The following NBEA variants were observed in gnomAD, a reference collection of about 807,000 sequenced individuals.
NBEA encodes the protein lysosomal-trafficking regulator 2.
In NBEA, 44 loss-of-function variants were observed where a neutral mutation model predicts 343.4. That is an observed-to-expected ratio of 0.13 (90% confidence interval 0.10 to 0.16). The LOEUF is 0.16. NBEA is among the 10% of genes least tolerant of loss of function. NBEA has a pLI of 1.00. For missense variants in NBEA, 2,555 were observed against 3,631.3 expected (o/e 0.70, Z 7.62); for synonymous variants, 1,175 against 1,238.7 (o/e 0.95, Z 1.08).
At chr13:35,578,630 C>G (rs2080862270) in intron 45 of NBEA, among the ~76,000 whole-genome samples, 1 of 152,164 alleles carries the variant, frequency 6.6e-6, no homozygotes, top group Admixed American at 6.5e-5. Flanking sequence ...TTGCTGACCT[C>G]AGATACTTAT....
intron 55 of NBEA, among the ~76,000 whole-genome samples, chr13:35,661,921 C>T (rs1255059365): frequency 1.3e-5 from 2 of 152,090 alleles, no homozygotes; most frequent in East Asian, 1.9e-4. Flanking sequence ...CACTGTGCAG[C>T]GGAGGTCTTA....
At chr13:35,239,850 A>C (rs112928501) in intron 34 of NBEA, among the ~76,000 whole-genome samples, 2 of 151,940 alleles carry the variant, frequency 1.3e-5, no homozygotes, top group Non-Finnish European at 2.9e-5. Flanking sequence ...GAAATAAGTG[A>C]TGTCAAGGCT....
chr13:35,605,495 A>G (rs1432687791), intron 47 of NBEA, among the ~76,000 whole-genome samples: 1 of 152,192 alleles, frequency 6.6e-6, no homozygotes, highest in African/African-American at 2.4e-5. Flanking sequence ...ATGCTATGCC[A>G]TCAATGTTGA....
intron 36 of NBEA, among the ~76,000 whole-genome samples, chr13:35,347,535 A>AT (rs113506427): frequency 0.22 from 33,330 of 151,668 alleles, 4,162 homozygotes; most frequent in African/African-American, 0.34. Flanking sequence ...TTTAAATATT[A>AT]TTTTTTTTAA....
intron 34 of NBEA, among the ~76,000 whole-genome samples, chr13:35,288,084 G>A (rs954833855): frequency 1.3e-5 from 2 of 151,892 alleles, no homozygotes; most frequent in African/African-American, 4.8e-5. Context: ...TATCAAATGA[G>A]CTAATTTGAT....
At chr13:35,517,497 G>A (rs78614112) in intron 41 of NBEA, among the ~76,000 whole-genome samples, 6,189 of 152,042 alleles carry the variant, frequency 0.041, 347 homozygotes, top group East Asian at 0.23. Context: ...AAAAGATGTC[G>A]TGATTCTAAT....
chr13:35,117,636 T>G, intron 14 of NBEA, 143 bp downstream of exon 14: 1 of 334,728 alleles, frequency 3.0e-6, no homozygotes, highest in Non-Finnish European at 5.3e-6. Context: ...GTATTCACTT[T>G]TATTGAACTT....
At chr13:35,349,251 C>A in intron 37 of NBEA, 35 bp downstream of exon 37, 1 of 1,294,474 alleles carries the variant, frequency 7.7e-7, no homozygotes, top group East Asian at 2.4e-5. Flanking sequence ...TTCTGCCTTT[C>A]TATTATAAGC....
chr13:35,418,011 T>C (rs1268734592), intron 38 of NBEA, among the ~76,000 whole-genome samples: 1 of 152,206 alleles, frequency 6.6e-6, no homozygotes, highest in Non-Finnish European at 1.5e-5. Context: ...TCTTTGTCTC[T>C]TTTGATCTTT....
At chr13:35,265,600 A>G (rs532141264) in intron 34 of NBEA, among the ~76,000 whole-genome samples, 1 of 151,862 alleles carries the variant, frequency 6.6e-6, no homozygotes, top group Non-Finnish European at 1.5e-5. Context: ...GGTGCCTAAA[A>G]ACAGTGGAGG....
At chr13:35,643,557 C>G (rs1025570906) in intron 49 of NBEA, among the ~76,000 whole-genome samples, 3 of 152,224 alleles carry the variant, frequency 2.0e-5, no homozygotes, top group Non-Finnish European at 4.4e-5. Context: ...TTTAGAATCT[C>G]TGTTAAGACT....
Position 35,334,369 on chromosome 13 carries a change from A to G in NBEA, c.5904-14739A>G, listed in dbSNP as rs534437300. On this transcript the variant is annotated intron_variant, in intron 36 of 58. Transcript: ENST00000379939. ...ACTGCACCCTCCAACTCACAGGTTC[A>G]AGGAATTCTCCTGCCTCAGCCTCCT... Among the ~76,000 whole-genome samples the G allele has an allele frequency of 7.9e-5, 12 of 152,246 alleles. No homozygotes were observed. The East Asian group carries it at 1.7e-3, about 22-fold the overall frequency.
intron 38 of NBEA, among the ~76,000 whole-genome samples, chr13:35,411,489 C>T (rs1027682397): frequency 5.3e-5 from 8 of 150,532 alleles, no homozygotes; most frequent in Non-Finnish European, 8.8e-5. Flanking sequence ...CAGAGTTGTA[C>T]TCTGTTGCCC....
chr13:35,548,344 C>A (rs952088131), intron 41 of NBEA, among the ~76,000 whole-genome samples: 9 of 152,122 alleles, frequency 5.9e-5, no homozygotes, highest in African/African-American at 2.2e-4. Flanking sequence ...AACGTAAAAA[C>A]TGATAACATG....
intron 11 of NBEA, among the ~76,000 whole-genome samples, chr13:35,098,934 C>A (rs983223679): frequency 4.6e-5 from 7 of 151,630 alleles, no homozygotes; most frequent in Non-Finnish European, 7.4e-5. Context: ...GACTGAAAAT[C>A]GTATTTATTA....
At chr13:34,974,256 C>T (rs1347684110) in intron 1 of NBEA, among the ~76,000 whole-genome samples, 1 of 152,106 alleles carries the variant, frequency 6.6e-6, no homozygotes, top group African/African-American at 2.4e-5. Context: ...TTTACTTGCC[C>T]CTTTCATTCC....
chr13:35,661,499 G>A (rs1349403118), intron 55 of NBEA, among the ~76,000 whole-genome samples: 1 of 152,148 alleles, frequency 6.6e-6, no homozygotes. Flanking sequence ...ACCACATCAT[G>A]GGTGAATTTG....
chr13:35,203,954 A>T (rs67536320), intron 31 of NBEA, among the ~76,000 whole-genome samples: 24,710 of 151,970 alleles, frequency 0.16, 2,142 homozygotes, highest in South Asian at 0.23. Flanking sequence ...GAGATTTTTT[A>T]AAAAATTCCA....
intron 34 of NBEA, among the ~76,000 whole-genome samples, chr13:35,252,795 G>A (rs769873418): frequency 3.3e-5 from 5 of 152,214 alleles, no homozygotes; most frequent in Non-Finnish European, 5.9e-5. Flanking sequence ...GCAGGTGTTT[G>A]TAAAGTGGGC....
Sources: gnomAD v4.1 joint callset for allele counts (sites outside exome capture counted in the v4.1 genomes callset) on GRCh38, gnomAD v4.1.1 for gene constraint, MANE v1.5 for transcripts, NCBI Gene and HGNC (gene_info 2026-07-23, HGNC 2026-07-21) for gene names.